BABAM2: variants seen among roughly 807,000 people sequenced by gnomAD.
BABAM2 encodes BRISC and BRCA1-A complex member 2.
A neutral mutation model predicts 54.7 loss-of-function variants in BABAM2; 31 were observed. The ratio of observed to expected loss-of-function variants is 0.57; its 90% confidence interval spans 0.43 to 0.77. The LOEUF is 0.77. Among genes scored for constraint, BABAM2 ranks in the 30% least tolerant of loss-of-function variants. BABAM2 has a pLI of 0.00. For missense variants in BABAM2, 364 were observed against 455.8 expected, an observed-to-expected ratio of 0.80 and a Z score of 1.83; for synonymous variants, 167 against 162.9, an observed-to-expected ratio of 1.03 and a Z score of -0.19.
At chr2:28,177,995 A>G (rs1196561854) in intron 7 of BABAM2, among the ~76,000 whole-genome samples, 2 of 152,196 alleles carry the variant, frequency 1.3e-5, no homozygotes, top group Admixed American at 6.5e-5. Flanking sequence ...CCAGAGTTAT[A>G]AAGCAAATAG....
chr2:28,221,972 C>T (rs1250315251), intron 7 of BABAM2, among the ~76,000 whole-genome samples: 1 of 152,146 alleles, frequency 6.6e-6, no homozygotes, highest in Non-Finnish European at 1.5e-5. Context: ...GAGGAAACAT[C>T]CAGAAAAGCA....
intron 7 of BABAM2, among the ~76,000 whole-genome samples, chr2:28,131,317 G>A (rs1302315609): frequency 3.8e-5 from 2 of 53,314 alleles, no homozygotes; most frequent in Admixed American, 1.5e-4. Flanking sequence ...TCCTGACCTC[G>A]TGATCCGCCC....
chr2:28,050,044 A>T (rs1311255503), intron 6 of BABAM2, among the ~76,000 whole-genome samples: 1 of 152,164 alleles, frequency 6.6e-6, no homozygotes. Context: ...AATGGTAGGG[A>T]CTGGAGTGAA....
At chr2:28,235,798 G>A (rs1022361175) in intron 7 of BABAM2, among the ~76,000 whole-genome samples, 1 of 152,098 alleles carries the variant, frequency 6.6e-6, no homozygotes, top group African/African-American at 2.4e-5. Flanking sequence ...AAGGCTACAG[G>A]TGTGCACCAC....
chr2:28,312,168 G>A (rs1158635594), intron 11 of BABAM2, among the ~76,000 whole-genome samples: 1 of 152,142 alleles, frequency 6.6e-6, no homozygotes, highest in Non-Finnish European at 1.5e-5. Context: ...AAAAAGGGAA[G>A]CATCAAAGAA....
chr2:28,256,563 T>C (rs1441411434), intron 10 of BABAM2, among the ~76,000 whole-genome samples: 1 of 152,190 alleles, frequency 6.6e-6, no homozygotes, highest in African/African-American at 2.4e-5. Context: ...TGAAAACTCT[T>C]ATCATTTACT....
Position 28,322,447 on chromosome 2 carries a change from C to CCT in BABAM2, c.1089-16002_1089-16001dup, listed in dbSNP as rs1690097307. ...ATTCCAGTTCGGGAGAGAGAAGAAC[C>CCT]CTGTAACTCTTAGAGGCGCCTTTGA... On this transcript the variant is annotated intron_variant, in intron 11 of 11. Coordinates refer to ENST00000379624, the MANE Select transcript of BABAM2 (RefSeq NM_199191.3). The surrounding 1 kb of genome is among the most constrained non-coding windows in gnomAD (Gnocchi z 4.1). 1.3e-5 allele frequency among the ~76,000 whole-genome samples: 2 copies of CCT among 152,192 alleles called. No individual in the cohort carries two copies. Among genetic ancestry groups the CCT allele is most frequent in the African/African-American group, 4.8e-5 (2 of 41,452 alleles).
intron 4 of BABAM2, among the ~76,000 whole-genome samples, chr2:28,012,096 A>G (rs1449094567): frequency 1.3e-5 from 2 of 152,238 alleles, no homozygotes; most frequent in African/African-American, 2.4e-5. Context: ...GTAAAGAAAC[A>G]CAGAAGCACA....
intron 4 of BABAM2, among the ~76,000 whole-genome samples, chr2:28,016,634 T>C (rs1169348513): frequency 6.6e-6 from 1 of 152,192 alleles, no homozygotes; most frequent in East Asian, 1.9e-4. Flanking sequence ...GCTTCAAACA[T>C]CATAGCAACA....
intron 4 of BABAM2, among the ~76,000 whole-genome samples, chr2:27,989,793 A>G (rs1167939395): frequency 6.6e-6 from 1 of 152,198 alleles, no homozygotes; most frequent in Non-Finnish European, 1.5e-5. Flanking sequence ...CATGTTTACA[A>G]CTTCTTTTTT....
At chr2:27,928,589 G>A (rs1667877124) in intron 2 of BABAM2, among the ~76,000 whole-genome samples, 1 of 152,116 alleles carries the variant, frequency 6.6e-6, no homozygotes, top group African/African-American at 2.4e-5. Context: ...TTGCCATGTA[G>A]GGAAGTTGTA....
chr2:28,129,638 C>G (rs1360242811), intron 7 of BABAM2, among the ~76,000 whole-genome samples: 1 of 152,206 alleles, frequency 6.6e-6, no homozygotes, highest in Admixed American at 6.5e-5. Flanking sequence ...AATAGGCAGA[C>G]TGAGTCCAAA....
chr2:28,153,808 G>T (rs1672281685), intron 7 of BABAM2, among the ~76,000 whole-genome samples: 1 of 152,164 alleles, frequency 6.6e-6, no homozygotes, highest in Admixed American at 6.5e-5. Flanking sequence ...TATCTGTCTT[G>T]AAGTTGGTTA....
intron 4 of BABAM2, among the ~76,000 whole-genome samples, chr2:27,994,225 G>A (rs189602968): frequency 3.3e-3 from 498 of 152,210 alleles, no homozygotes; most frequent in Non-Finnish European, 6.2e-3. Flanking sequence ...CATGGAGAGG[G>A]GCACTTTACC....
chr2:28,048,021 T>C (rs72812595), intron 6 of BABAM2, among the ~76,000 whole-genome samples: 10,458 of 152,268 alleles, frequency 0.069, 548 homozygotes, highest in African/African-American at 0.15. Flanking sequence ...TGGATGCTCC[T>C]CATCTAATTA....
chr2:28,151,924 C>T (rs1672086249), intron 7 of BABAM2, among the ~76,000 whole-genome samples: 1 of 152,178 alleles, frequency 6.6e-6, no homozygotes, highest in Non-Finnish European at 1.5e-5. Context: ...GGCACTGACA[C>T]CTCACCAGAG....
intron 10 of BABAM2, among the ~76,000 whole-genome samples, chr2:28,259,961 C>T (rs907693792): frequency 6.6e-6 from 1 of 151,222 alleles, no homozygotes; most frequent in African/African-American, 2.4e-5. Flanking sequence ...AGTGCAGTGG[C>T]ACGATCTCGG....
intron 7 of BABAM2, among the ~76,000 whole-genome samples, chr2:28,137,611 AAATC>A (rs1347196263): frequency 2.6e-5 from 4 of 152,234 alleles, no homozygotes; most frequent in Non-Finnish European, 5.9e-5. Flanking sequence ...TTGGGGGAGA[AAATC>A]AATCAGCCCC....
Position 27,894,507 on chromosome 2 carries a change from T to C in BABAM2, c.-24-26T>C, listed in dbSNP as rs747407808. 14 of 1,605,742 alleles carry C rather than the reference T, an allele frequency of 8.7e-6. No individual in the cohort carries two copies. In the South Asian group the frequency reaches 1.4e-4, roughly 16 times the overall value. The stretch of plus-strand genomic sequence containing the variant: ...TATCTAGTCCATTTGTAAGCCCTGA[T>C]CATTATTCTTTCCTTCTGCTTTCAG... On this transcript the variant is annotated intron_variant, in intron 1 of 11. Coordinates refer to ENST00000379624, the MANE Select transcript of BABAM2 (RefSeq NM_199191.3).
Sources: gnomAD v4.1 joint callset for allele counts (sites outside exome capture counted in the v4.1 genomes callset) on GRCh38, gnomAD v4.1.1 for gene constraint, Gnocchi (gnomAD v3.1) non-coding constraint, MANE v1.5 for transcripts, NCBI Gene and HGNC (gene_info 2026-07-23, HGNC 2026-07-21) for gene names.